Variants in DST observed in about 807,000 individuals in gnomAD.
DST encodes the protein dystonin, also known as bullous pemphigoid antigen.
In DST, 253 loss-of-function variants were observed where a neutral mutation model predicts 875.2. The observed-to-expected ratio is 0.29, with a 90% CI of 0.26 to 0.32. The LOEUF is 0.32. Ranked by LOEUF, DST falls within the 10% of genes least tolerant of loss-of-function variation. DST has a pLI of 1.00. For missense variants in DST, 8,287 were observed against 9,111.6 expected (o/e 0.91, Z 3.68); for synonymous variants, 3,124 against 3,197.1 (o/e 0.98, Z 0.77).
chr6:56,627,930 A>G lies in DST; in HGVS notation c.4638+69T>C, dbSNP rs904167051. ...GGTGACTTTTTCATTTAACATAGGA[A>G]AGGAAGATGAGGAGCATGACTGACC... is the stretch of plus-strand genomic sequence containing the variant. On this transcript the variant is annotated intron_variant, in intron 33 of 103. Transcript: ENST00000680361. 2.1e-6 allele frequency: 3 copies of G among 1,422,808 alleles called. No individual in the cohort carries two copies. The African/African-American group carries it at 4.2e-5, about 20-fold the overall frequency. The allele number at this position is 1,422,808 out of a possible 1,614,324, so 88.1% of individuals were successfully genotyped here.
intron 36 of DST, chr6:56,617,255 A>G: frequency 6.2e-7 from 1 of 1,609,622 alleles, no homozygotes; most frequent in Non-Finnish European, 8.5e-7. Context: ...AAAGTTCTGG[A>G]AGGTCTCTGG....
chr6:56,462,971 G>A, intron 102 of DST, 75 bp downstream of exon 102: 1 of 776,796 alleles, frequency 1.3e-6, no homozygotes, highest in Non-Finnish European at 2.2e-6. Flanking sequence ...TTTAGGGAGT[G>A]GTGCAACGAT....
At position 56,639,480 on chromosome 6, in the gene DST, G is replaced by A. The variant is rs1285205179; in HGVS notation, c.2829C>T (p.Thr943=). 1.9e-6 allele frequency: 3 copies of A among 1,613,674 alleles called. No homozygotes were observed. Among genetic ancestry groups the A allele is most frequent in the African/African-American group, 1.3e-5 (1 of 74,976 alleles). ...GATAATCTTTTTTCCTAGCTATGTT[G>A]GTGTTTCTCTCACTCCAGTCATAAG... is the stretch of plus-strand genomic sequence containing the variant. ...EVAYDWSERN[T]NIARKKDYHA... is the part of the protein sequence containing the mutation. The change falls in exon 21 of 104, where the codon ACC becomes ACT. Residue 943 remains threonine (T), a synonymous_variant. Transcript: ENST00000680361.
At chr6:56,830,317 G>A (rs2099785521) in intron 4 of DST, among the ~76,000 whole-genome samples, 3 of 152,178 alleles carry the variant, frequency 2.0e-5, no homozygotes, top group South Asian at 2.1e-4. Flanking sequence ...AACTGTACAC[G>A]CAGTAGTCCC....
intron 98 of DST, among the ~76,000 whole-genome samples, chr6:56,467,652 T>G (rs1361624046): frequency 6.6e-6 from 1 of 152,166 alleles, no homozygotes; most frequent in African/African-American, 2.4e-5. Context: ...TTCAAGATTA[T>G]ACTCAAAACA....
intron 61 of DST, among the ~76,000 whole-genome samples, chr6:56,548,518 A>C (rs1413633326): frequency 6.6e-6 from 1 of 152,248 alleles, no homozygotes; most frequent in African/African-American, 2.4e-5. Flanking sequence ...TTTGATAAAT[A>C]ATAATGTGTT....
intron 4 of DST, among the ~76,000 whole-genome samples, chr6:56,829,505 T>C (rs969398864): frequency 6.6e-5 from 10 of 152,136 alleles, no homozygotes; most frequent in African/African-American, 2.4e-4. Flanking sequence ...TTGCAAACTA[T>C]ATCAAAAGGC....
chr6:56,660,783 T>A (rs759567092), intron 10 of DST, among the ~76,000 whole-genome samples: 1 of 151,328 alleles, frequency 6.6e-6, no homozygotes, highest in Non-Finnish European at 1.5e-5. Flanking sequence ...TTCTACAAAG[T>A]GACTCTCCAT....
At chr6:56,842,620 AT>A (rs2099801609) in intron 4 of DST, among the ~76,000 whole-genome samples, 1 of 152,190 alleles carries the variant, frequency 6.6e-6, no homozygotes, top group Non-Finnish European at 1.5e-5. Context: ...AAGAAAGATC[AT>A]TTTAAGGAAA....
intron 4 of DST, among the ~76,000 whole-genome samples, chr6:56,809,629 C>T (rs1397006712): frequency 1.3e-5 from 2 of 152,168 alleles, no homozygotes; most frequent in Admixed American, 1.3e-4. Flanking sequence ...TGCCTGCACA[C>T]ATTTAATTTA....
chr6:56,952,171 T>G (rs1822700752), intron 2 of DST, among the ~76,000 whole-genome samples: 1 of 152,184 alleles, frequency 6.6e-6, no homozygotes, highest in African/African-American at 2.4e-5. Context: ...GTTAAGGCAT[T>G]AAACAACTAC....
intron 69 of DST, among the ~76,000 whole-genome samples, chr6:56,520,113 T>C (rs2096668255): frequency 6.6e-6 from 1 of 151,858 alleles, no homozygotes. Flanking sequence ...AATAAAAATC[T>C]CAGTGGATGA....
At chr6:56,497,735 A>C in intron 81 of DST, 121 bp downstream of exon 81, 1 of 1,026,828 alleles carries the variant, frequency 9.7e-7, no homozygotes, top group Non-Finnish European at 1.4e-6. Context: ...TATTTCACTT[A>C]TTTTTACTCC....
intron 48 of DST, 32 bp downstream of exon 48, chr6:56,593,631 A>C (rs2098326520): frequency 6.9e-7 from 1 of 1,455,946 alleles, no homozygotes; most frequent in South Asian, 1.7e-5. Context: ...TTGCAGATTG[A>C]CTTTTCCCTT....
chr6:56,874,976 A>T (rs1778996512), intron 3 of DST, among the ~76,000 whole-genome samples: 1 of 151,948 alleles, frequency 6.6e-6, no homozygotes, highest in African/African-American at 2.4e-5. Context: ...TAAGCCACAG[A>T]TGTTTTTTGT....
chr6:56,642,511 A>T lies in DST; in HGVS notation c.1779-8T>A. On this transcript the variant is annotated splice_polypyrimidine_tract_variant and splice_region_variant and intron_variant, in intron 15 of 103. Coordinates refer to ENST00000680361, the MANE Select transcript of DST (RefSeq NM_001374736.1). ...TGTTGCAACATTTCTAACCTAAAAG[A>T]TGAGACAAAATAAAATAAAGCTTCT... is the stretch of plus-strand genomic sequence containing the variant. 1 of 1,610,938 alleles carries T rather than the reference A, an allele frequency of 6.2e-7. No homozygotes were observed. Among genetic ancestry groups the T allele is most frequent in the Admixed American group, 1.7e-5 (1 of 59,994 alleles).
rs777157684 is a variant in DST, at chr6:56,704,265, A to G, written c.777+15T>C. 3 of 1,343,856 alleles carry G rather than the reference A, an allele frequency of 2.2e-6. No individual in the cohort carries two copies. The highest frequency in any genetic ancestry group is 2.3e-5 in the Admixed American group (1 of 44,324). The allele number at this position is 1,343,856 out of a possible 1,614,324, so 83.2% of individuals were successfully genotyped here. ...TACACGTTCTTCAAAATAAAATAAG[A>G]AAGTTAAAACTTACCAAGGTATCTC... On this transcript the variant is annotated intron_variant, in intron 6 of 103. Coordinates refer to ENST00000680361, the MANE Select transcript of DST (RefSeq NM_001374736.1).
chr6:56,751,647 G>C (rs2099587499), intron 4 of DST, among the ~76,000 whole-genome samples: 1 of 152,130 alleles, frequency 6.6e-6, no homozygotes, highest in Non-Finnish European at 1.5e-5. Context: ...AAGCCACTGG[G>C]TTCCCTCAGA....
chr6:56,618,575 A>G, intron 36 of DST: 1 of 1,614,078 alleles, frequency 6.2e-7, no homozygotes, highest in Non-Finnish European at 8.5e-7. Context: ...ATTTGCTTCC[A>G]TGTGCTGCCC....
Sources: allele counts gnomAD v4.1 joint callset (sites outside exome capture counted in the v4.1 genomes callset), GRCh38; gene constraint gnomAD v4.1.1; transcripts MANE v1.5; gene names NCBI Gene and HGNC (gene_info 2026-07-23, HGNC 2026-07-21).